VSIR: variants seen among roughly 807,000 people sequenced by gnomAD.
The protein encoded by VSIR is V-type immunoglobulin domain-containing suppressor of T-cell activation.
Under a neutral mutation model 31.0 loss-of-function variants are expected in VSIR, and 10 were observed. The observed-to-expected ratio is 0.32, with a 90% CI of 0.20 to 0.55. The LOEUF is 0.55. Ranked by LOEUF, VSIR falls within the 20% of genes least tolerant of loss-of-function variation. The pLI is 0.93. For synonymous variants in VSIR, 179 were observed against 180.1 expected (o/e 0.99, Z 0.05); for missense variants, 356 against 416.2 (o/e 0.86, Z 1.26).
intron 3 of VSIR, among the ~76,000 whole-genome samples, chr10:71,759,998 CATACATAT>C (rs1194922134): frequency 0.028 from 1,391 of 49,358 alleles, 156 homozygotes; most frequent in East Asian, 0.11. Context: ...TACACACACA[CATACATAT>C]ATATACACAC....
At chr10:71,758,290 C>T (rs1840201001) in intron 3 of VSIR, among the ~76,000 whole-genome samples, 1 of 152,192 alleles carries the variant, frequency 6.6e-6, no homozygotes, top group Non-Finnish European at 1.5e-5. Flanking sequence ...CCCATTCCGG[C>T]TTAGGTCCTC....
In VSIR at chr10:71,751,722, G is replaced by C. The variant is rs1840008443; in HGVS notation, c.844C>G (p.Pro282Ala). The C allele has an allele frequency of 6.3e-7, 1 of 1,581,102 alleles. No homozygotes were observed. Residue 282 changes from proline to alanine, a missense_variant, in exon 6 of 7, where the codon CCC becomes GCC. Pro to Ala is a conservative substitution (Grantham distance 27). Transcript: ENST00000394957. The surrounding 1 kb of genome is among the most constrained non-coding windows in gnomAD (Gnocchi z 4.9). ...CCTGGAGGAGACAGGGGGGTGCTGG[G>C]CTCCGAAAGCAGATGCCGCCCAGAC... ...SESGRHLLSEPSTPLSPPGPG... is the reference protein window; with the variant it reads ...SESGRHLLSEASTPLSPPGPG...
At chr10:71,767,153 C>A (rs1460442934) in intron 1 of VSIR, among the ~76,000 whole-genome samples, 1 of 152,214 alleles carries the variant, frequency 6.6e-6, no homozygotes, top group East Asian at 1.9e-4. Context: ...GGGAAAGGAG[C>A]TCTTGTTGGC....
chr10:71,761,875 G>A lies in VSIR; in HGVS notation c.234C>T (p.Gly78=), dbSNP rs377730823. The A allele has an allele frequency of 1.5e-4, 238 of 1,613,994 alleles. 2 individuals carry two copies. Among genetic ancestry groups the A allele is most frequent in the South Asian group, 1.2e-4 (11 of 91,096 alleles). Reference sequence around the variant, plus strand: ...GGCGCTCTGAGCAGGTCTGCACCTCGCCCCTCGAGCTGCGGTACCACGTCT... The same window carrying A: ...GGCGCTCTGAGCAGGTCTGCACCTCACCCCTCGAGCTGCGGTACCACGTCT... ...FYKTWYRSSR[G]EVQTCSERRP... is the part of the protein sequence containing the mutation. The change falls in exon 2 of 7, where the codon GGC becomes GGT. Residue 78 remains glycine, a synonymous_variant. Transcript: ENST00000394957.
In VSIR at chr10:71,751,253, C is replaced by A; in HGVS notation, c.936G>T (p.Ter312TyrextTer18). ...AACAGCCCACTGTCCCCCAGCTGGG[C>A]TAGATGACCTCAAAGTTTGGAGAGT... ...VPDSPNFEVI[*>Y] Residue 312 changes from the stop codon to tyrosine, a stop_lost, in exon 7 of 7, where the codon TAG (stop) becomes TAT (tyrosine). Coordinates refer to ENST00000394957, the MANE Select transcript of VSIR (RefSeq NM_022153.2). The surrounding 1 kb of genome is among the most constrained non-coding windows in gnomAD (Gnocchi z 4.9). 1 of 1,608,940 alleles carries A rather than the reference C, an allele frequency of 6.2e-7. No homozygotes were observed. Among genetic ancestry groups the A allele is most frequent in the Non-Finnish European group, 8.5e-7 (1 of 1,177,262 alleles).
intron 5 of VSIR, among the ~76,000 whole-genome samples, chr10:71,752,263 G>T (rs990659363): frequency 6.6e-6 from 1 of 152,218 alleles, no homozygotes; most frequent in African/African-American, 2.4e-5. Flanking sequence ...GCTGAGGGGA[G>T]GGGTTCTCTT....
intron 4 of VSIR, among the ~76,000 whole-genome samples, chr10:71,754,369 T>C (rs1255616881): frequency 6.6e-6 from 1 of 152,146 alleles, no homozygotes; most frequent in African/African-American, 2.4e-5. Context: ...TGACAAGTTG[T>C]TAAGGGCCGG....
chr10:71,759,936 T>TAC (rs1252089875), intron 3 of VSIR, among the ~76,000 whole-genome samples: 11,374 of 52,464 alleles, frequency 0.22, 2,209 homozygotes, highest in Middle Eastern at 0.35. Flanking sequence ...CACACATATA[T>TAC]ACACACACAC....
At chr10:71,763,775 G>C (rs1388494711) in intron 1 of VSIR, among the ~76,000 whole-genome samples, 1 of 152,236 alleles carries the variant, frequency 6.6e-6, no homozygotes, top group Non-Finnish European at 1.5e-5. Flanking sequence ...GAGCTAGACA[G>C]GTCTCTAATT....
rs117208264 is a variant in VSIR at position 71,766,861 on chromosome 10, G to A, written c.83-4835C>T. The stretch of plus-strand genomic sequence containing the variant: ...CTCCAGAACCCTCCAGTGGGCAGGC[G>A]GGGCTGATGCCTCATCCTTCAGCTA... On this transcript the variant is annotated intron_variant, in intron 1 of 6. Transcript: ENST00000394957. 8.4e-3 allele frequency among the ~76,000 whole-genome samples: 1,285 copies of A among 152,280 alleles called. 7 individuals carry two copies. Among genetic ancestry groups the A allele is most frequent in the Non-Finnish European group, 0.013 (898 of 68,000 alleles).
At chr10:71,753,925 G>A in intron 4 of VSIR, 2 of 455,568 alleles carry the variant, frequency 4.4e-6, no homozygotes, top group South Asian at 3.1e-5. Context: ...CATCCTCTGT[G>A]CCACCCTTTG....
rs1478107004 is a variant in VSIR at position 71,753,007 on chromosome 10, GGACA to G, written c.677-9_677-6del. 1.2e-6 allele frequency: 2 copies of G among 1,612,656 alleles called. No individual in the cohort carries two copies. The highest frequency in any genetic ancestry group is 2.2e-5 in the South Asian group (2 of 90,790). ...TCCGCACCAGCTCCTGGGCACCTAGGGACAGACAGACAGAGAAGCTGGTCATGGA... is the reference window on the plus strand; with the variant it reads ...TCCGCACCAGCTCCTGGGCACCTAGGGACAGACAGAGAAGCTGGTCATGGA... On this transcript the variant is annotated splice_polypyrimidine_tract_variant and splice_region_variant and intron_variant, in intron 4 of 6. Coordinates refer to ENST00000394957, the MANE Select transcript of VSIR (RefSeq NM_022153.2).
At chr10:71,755,662 C>T (rs779502953) in intron 3 of VSIR, among the ~76,000 whole-genome samples, 196 bp from the exon 4 acceptor site, 7 of 152,210 alleles carry the variant, frequency 4.6e-5, no homozygotes, top group South Asian at 2.1e-4. Context: ...CTGTGCCTGC[C>T]GCCCTATGCC....
rs374190721 is a variant in VSIR at position 71,753,024 on chromosome 10, A to C, written c.677-22T>G. ...GCACCTAGGGACAGACAGACAGAGA[A>C]GCTGGTCATGGAAGGGAAGGCTTCC... On this transcript the variant is annotated intron_variant, in intron 4 of 6. Transcript: ENST00000394957. 3.5e-5 allele frequency: 56 copies of C among 1,611,390 alleles called. No individual in the cohort carries two copies. The East Asian group carries it at 4.7e-4, about 13-fold the overall frequency.
At chr10:71,753,291 C>T (rs1316120735) in intron 4 of VSIR, among the ~76,000 whole-genome samples, 1 of 152,254 alleles carries the variant, frequency 6.6e-6, no homozygotes, top group Non-Finnish European at 1.5e-5. Flanking sequence ...AGACCAAAGG[C>T]AGCCAGCGCT....
chr10:71,767,410 A>G (rs1840576733), intron 1 of VSIR, among the ~76,000 whole-genome samples: 1 of 152,226 alleles, frequency 6.6e-6, no homozygotes, highest in African/African-American at 2.4e-5. Flanking sequence ...ACCAGCTGCT[A>G]GAGGTTGTCA....
chr10:71,763,484 C>T (rs543562044), intron 1 of VSIR, among the ~76,000 whole-genome samples: 1 of 152,312 alleles, frequency 6.6e-6, no homozygotes, highest in East Asian at 1.9e-4. Context: ...CTTCCCTGCC[C>T]TTAGAGCCCA....
At chr10:71,771,891 G>A (rs1337039743) in intron 1 of VSIR, among the ~76,000 whole-genome samples, 1 of 152,140 alleles carries the variant, frequency 6.6e-6, no homozygotes, top group East Asian at 1.9e-4. Context: ...ACAGAGGGCA[G>A]CCCAGCCAAG....
chr10:71,768,765 C>A (rs1416208956), intron 1 of VSIR, among the ~76,000 whole-genome samples: 1 of 152,244 alleles, frequency 6.6e-6, no homozygotes, highest in East Asian at 1.9e-4. Context: ...CAGGCATGAG[C>A]CACTGTGCTC....
Sources: allele counts gnomAD v4.1 joint callset (sites outside exome capture counted in the v4.1 genomes callset), GRCh38; gene constraint gnomAD v4.1.1; non-coding constraint Gnocchi (gnomAD v3.1); transcripts MANE v1.5; gene names NCBI Gene and HGNC (gene_info 2026-07-23, HGNC 2026-07-21).